Variants in CPQ observed in about 807,000 individuals in gnomAD.
The protein encoded by CPQ is carboxypeptidase Q.
In CPQ, 37 loss-of-function variants were observed where a neutral mutation model predicts 45.7. The ratio of observed to expected loss-of-function variants is 0.81; its 90% CI spans 0.62 to 1.07. The LOEUF is 1.07. CPQ is among the 50% of genes least tolerant of loss of function. The pLI is 0.00. For missense variants in CPQ, 537 were observed against 572.9 expected (o/e 0.94, Z 0.64); for synonymous variants, 186 against 205.8 (o/e 0.90, Z 0.82).
chr8:97,010,516 C>T (rs1331737810), intron 5 of CPQ, among the ~76,000 whole-genome samples: 1 of 152,230 alleles, frequency 6.6e-6, no homozygotes, highest in African/African-American at 2.4e-5. Flanking sequence ...CTTAGCACAG[C>T]GTCTGGCATA....
intron 1 of CPQ, among the ~76,000 whole-genome samples, chr8:96,671,762 A>G (rs1257887752): frequency 6.6e-6 from 1 of 152,172 alleles, no homozygotes; most frequent in South Asian, 2.1e-4. Context: ...GTTTGTATTT[A>G]TGGAATATAT....
At chr8:96,871,531 G>GTTTTTTTTTTTTTTTTTTTTTTTTTT (rs529360931) in intron 3 of CPQ, among the ~76,000 whole-genome samples, 2 of 107,024 alleles carry the variant, frequency 1.9e-5, no homozygotes, top group Non-Finnish European at 1.9e-5. Context: ...TTGCTTCCAG[G>GTTTTTTTTTTTTTTTTTTTTTTTTTT]TTTTTTTTTT....
chr8:97,106,791 G>A (rs1811413353), intron 7 of CPQ, among the ~76,000 whole-genome samples: 1 of 152,092 alleles, frequency 6.6e-6, no homozygotes, highest in Non-Finnish European at 1.5e-5. Context: ...TAAGAGCTTG[G>A]GGATAAAGAG....
intron 1 of CPQ, among the ~76,000 whole-genome samples, chr8:96,694,445 C>T (rs1809344704): frequency 6.6e-6 from 1 of 152,050 alleles, no homozygotes; most frequent in South Asian, 2.1e-4. Context: ...ATTTACAGAA[C>T]ATTTTATCCA....
At chr8:96,812,050 C>T (rs1811166824) in intron 2 of CPQ, among the ~76,000 whole-genome samples, 1 of 152,160 alleles carries the variant, frequency 6.6e-6, no homozygotes, top group Non-Finnish European at 1.5e-5. Flanking sequence ...ATTGTACATT[C>T]TCATGAGGCA....
At chr8:96,671,902 T>C (rs994742302) in intron 1 of CPQ, among the ~76,000 whole-genome samples, 1 of 152,162 alleles carries the variant, frequency 6.6e-6, no homozygotes, top group Admixed American at 6.5e-5. Flanking sequence ...TAAAAAGAAG[T>C]GTTTAGCTTG....
At position 96,711,853 on chromosome 8, in the gene CPQ, T is replaced by C. The variant is rs143683953; in HGVS notation, c.-35+66451T>C. On this transcript the variant is annotated intron_variant, in intron 1 of 7. Transcript: ENST00000220763. ...CATATTTCAAAACACAATCATGCCATCCTAACAGTCCCCCAAAGTCTTAAC... is the reference window on the plus strand; with the variant it reads ...CATATTTCAAAACACAATCATGCCACCCTAACAGTCCCCCAAAGTCTTAAC... Among the ~76,000 whole-genome samples the C allele has an allele frequency of 3.0e-3, 451 of 152,190 alleles. 3 individuals are homozygous for C. The highest frequency in any genetic ancestry group is 0.01 in the African/African-American group (430 of 41,506).
chr8:96,795,497 T>C (rs750707266), intron 2 of CPQ, among the ~76,000 whole-genome samples: 4 of 152,230 alleles, frequency 2.6e-5, no homozygotes, highest in African/African-American at 4.8e-5. Flanking sequence ...GTCATTGCTA[T>C]CATTTCTATT....
At chr8:97,077,811 G>A (rs1189813110) in intron 7 of CPQ, among the ~76,000 whole-genome samples, 2 of 152,018 alleles carry the variant, frequency 1.3e-5, no homozygotes, top group Non-Finnish European at 2.9e-5. Flanking sequence ...GTTGTTCAAA[G>A]GCCAACTAGA....
At chr8:96,976,306 A>T (rs2130380932) in intron 5 of CPQ, among the ~76,000 whole-genome samples, 1 of 150,718 alleles carries the variant, frequency 6.6e-6, no homozygotes, top group South Asian at 2.1e-4. Flanking sequence ...GACGTGAAAG[A>T]CCTCTACGAG....
Position 97,066,109 on chromosome 8 carries a change from T to C in CPQ, c.1154T>C (p.Met385Thr), listed in dbSNP as rs746663227. ...FTGSEKARAI[M>T]EEVMSLLQPL... is the part of the protein sequence containing the mutation. ...GGCAGTGAAAAGGCCAGGGCCATCA[T>C]GGAGGAGGTTATGAGCCTGCTGCAG... Residue 385 changes from methionine (M) to threonine (T), a missense_variant, in exon 7 of 8, where the codon ATG becomes ACG. Transcript: ENST00000220763. The C allele has an allele frequency of 1.2e-6, 2 of 1,612,562 alleles. No individual in the cohort carries two copies. Among genetic ancestry groups the C allele is most frequent in the East Asian group, 4.5e-5 (2 of 44,840 alleles).
At chr8:96,719,244 T>C (rs1489956591) in intron 1 of CPQ, among the ~76,000 whole-genome samples, 1 of 152,218 alleles carries the variant, frequency 6.6e-6, no homozygotes, top group Non-Finnish European at 1.5e-5. Flanking sequence ...GGAAGGCAGC[T>C]AAGGCTTGGT....
intron 6 of CPQ, among the ~76,000 whole-genome samples, chr8:97,048,023 G>A (rs1810291247): frequency 6.6e-6 from 1 of 152,130 alleles, no homozygotes; most frequent in South Asian, 2.1e-4. Flanking sequence ...ATCAAGTCTG[G>A]CTTTCTTCTT....
chr8:96,849,989 ATCTT>A lies in CPQ; in HGVS notation c.641+14815_641+14818del, dbSNP rs570607328. On this transcript the variant is annotated intron_variant, in intron 3 of 7. Transcript: ENST00000220763. ...ACATTATTTTTTAGCTCTTTATGCC[ATCTT>A]TCTTTTCTTTCAAGTCTCCATCAGA... Among the ~76,000 whole-genome samples, 114 of 152,248 alleles carry A rather than the reference ATCTT, an allele frequency of 7.5e-4. 1 individual carries two copies. The highest frequency in any genetic ancestry group is 2.0e-3 in the Admixed American group (30 of 15,302).
At chr8:96,921,592 T>C (rs370471734) in intron 4 of CPQ, among the ~76,000 whole-genome samples, 25 of 152,322 alleles carry the variant, frequency 1.6e-4, no homozygotes, top group East Asian at 1.5e-3. Context: ...CAGGAGTTAA[T>C]GTGCTCAGCA....
At chr8:96,658,890 C>T (rs181632529) in intron 1 of CPQ, among the ~76,000 whole-genome samples, 61 of 152,246 alleles carry the variant, frequency 4.0e-4, no homozygotes, top group Non-Finnish European at 1.2e-4. Context: ...GCAGTCCTGC[C>T]GATACCTTGC....
At chr8:96,676,088 G>C (rs1809073309) in intron 1 of CPQ, among the ~76,000 whole-genome samples, 1 of 151,860 alleles carries the variant, frequency 6.6e-6, no homozygotes, top group African/African-American at 2.4e-5. Flanking sequence ...GGATATTTAG[G>C]ATATCTATTA....
At chr8:97,027,507 A>T (rs555072312) in intron 5 of CPQ, among the ~76,000 whole-genome samples, 1 of 152,352 alleles carries the variant, frequency 6.6e-6, no homozygotes, top group African/African-American at 2.4e-5. Flanking sequence ...TAGGCACATA[A>T]TATTATCTTC....
chr8:96,975,748 G>A (rs1351321668), intron 5 of CPQ, among the ~76,000 whole-genome samples: 1 of 152,090 alleles, frequency 6.6e-6, no homozygotes, highest in Non-Finnish European at 1.5e-5. Flanking sequence ...AAAATCACAT[G>A]ATCATCTTAA....
Sources: gnomAD v4.1 joint callset for allele counts (sites outside exome capture counted in the v4.1 genomes callset) on GRCh38, gnomAD v4.1.1 for gene constraint, MANE v1.5 for transcripts, NCBI Gene and HGNC (gene_info 2026-07-23, HGNC 2026-07-21) for gene names.